TENM1: variants seen among roughly 807,000 people sequenced by gnomAD.
The protein encoded by TENM1 is teneurin transmembrane protein 1.
TENM1 carries 35 observed loss-of-function variants against 174.8 expected under a neutral mutation model. The observed-to-expected ratio is 0.20, with a 90% CI of 0.15 to 0.27. TENM1 has a LOEUF of 0.27. Among genes scored for constraint, TENM1 ranks in the 10% least tolerant of loss-of-function variants. The pLI, the probability that TENM1 is intolerant of heterozygous loss-of-function variation, is 1.00. For synonymous variants in TENM1, 781 were observed against 798.7 expected, an observed-to-expected ratio of 0.98 and a Z score of 0.37; for missense variants, 1,633 against 2,130.1, an observed-to-expected ratio of 0.77 and a Z score of 4.59.
At chrX:124,530,119 T>C in intron 15 of TENM1, 136 bp from the exon 19 acceptor site, 1 of 676,702 alleles carries the variant, frequency 1.5e-6, no homozygotes, top group South Asian at 3.5e-5. Context: ...AAACTACTAA[T>C]AACATTCTGG....
chrX:125,113,335 C>T, the TENM1 span, among the ~76,000 whole-genome samples: 2 of 110,978 alleles, frequency 1.8e-5, no homozygotes, highest in Non-Finnish European at 3.8e-5. Context: ...TGCAAGAACA[C>T]ACAGGACACA....
At chrX:124,503,618 A>G (rs1019452537) in exon 19 of TENM1, 1 of 1,207,351 alleles carries the variant, frequency 8.3e-7, no homozygotes, top group Non-Finnish European at 1.1e-6. Context: ...GGTTAGAAGC[A>G]TCCATCTCAA....
At chrX:124,646,561 G>A in intron 9 of TENM1, 148 bp downstream of exon 12, 1 of 423,243 alleles carries the variant, frequency 2.4e-6, no homozygotes, top group Non-Finnish European at 4.2e-6. Context: ...CATAGTAAGT[G>A]CTCAGCTTTT....
chrX:124,888,060 T>C (rs756799005), intron 3 of TENM1, among the ~76,000 whole-genome samples: 23 of 111,900 alleles, frequency 2.1e-4, no homozygotes, highest in African/African-American at 6.8e-4. Context: ...TGGGTATAAC[T>C]ATTACATGTC....
At chrX:124,788,576 T>G (rs781125959) in intron 3 of TENM1, among the ~76,000 whole-genome samples, 1 of 112,426 alleles carries the variant, frequency 8.9e-6, no homozygotes, top group Non-Finnish European at 1.9e-5. Context: ...ATACAGCTAT[T>G]CCAAATGGGA....
chrX:125,013,421 T>C, the TENM1 span, among the ~76,000 whole-genome samples: 9 of 111,884 alleles, frequency 8.0e-5, no homozygotes, highest in South Asian at 2.9e-3. Context: ...TTAATAGTAA[T>C]CAGTACTGAA....
chrX:124,550,614 A>G (rs1055745516), intron 14 of TENM1, among the ~76,000 whole-genome samples: 16 of 106,970 alleles, frequency 1.5e-4, no homozygotes, highest in African/African-American at 5.5e-4. Flanking sequence ...ACACATTCAC[A>G]TCATCATCTA....
the TENM1 span, among the ~76,000 whole-genome samples, chrX:125,058,788 C>T: frequency 9.0e-6 from 1 of 110,824 alleles, no homozygotes; most frequent in Admixed American, 9.7e-5. Flanking sequence ...TAAGTGCAGA[C>T]TGGGGTGAGA....
chrX:124,589,657 T>A (rs780125981), intron 11 of TENM1, among the ~76,000 whole-genome samples: 26 of 111,100 alleles, frequency 2.3e-4, no homozygotes, highest in African/African-American at 6.5e-4. Flanking sequence ...GTTATGTTTT[T>A]CCAGTAATGT....
the TENM1 span, among the ~76,000 whole-genome samples, chrX:125,176,650 C>T: frequency 9.0e-6 from 1 of 111,446 alleles, no homozygotes; most frequent in Admixed American, 9.6e-5. Context: ...TTCTTTAATA[C>T]TATTGTGATT....
intron 18 of TENM1, among the ~76,000 whole-genome samples, chrX:124,504,964 T>C (rs1041738958): frequency 3.6e-5 from 4 of 112,034 alleles, no homozygotes; most frequent in Non-Finnish European, 7.5e-5. Flanking sequence ...ATCACAAATA[T>C]CCAACTCTCT....
chrX:124,938,996 T>C (rs2058286218), intron 1 of TENM1, among the ~76,000 whole-genome samples: 1 of 111,562 alleles, frequency 9.0e-6, no homozygotes, highest in Non-Finnish European at 1.9e-5. Flanking sequence ...ATGGAAAAGA[T>C]CACAACTTAA....
Position 124,647,717 on chromosome X carries a change from G to GT in TENM1, c.1580-908_1580-907insA, listed in dbSNP as rs757952910. Among the ~76,000 whole-genome samples, 835 of 105,062 alleles carry GT rather than the reference G, an allele frequency of 7.9e-3. 6 individuals are homozygous for GT. Among genetic ancestry groups the GT allele is most frequent in the African/African-American group, 0.03 (806 of 26,469 alleles). The allele number at this position is 105,062 out of a possible 115,157, so 91.2% of individuals were successfully genotyped here. A position where few individuals can be genotyped will look rare whatever the true frequency, so the allele number is the denominator to read the frequency against. ...GGTACCTATGCTTTATTCTCGCAGG[G>GT]ATTTTTTTTTGTGGTGTGTGTGTGT... is the stretch of plus-strand genomic sequence containing the variant. On this transcript the variant is annotated intron_variant, in intron 8 of 31. Coordinates refer to ENST00000422452, the Ensembl canonical transcript of TENM1.
At chrX:124,744,288 A>G (rs751950795) in intron 3 of TENM1, among the ~76,000 whole-genome samples, 6 of 112,059 alleles carry the variant, frequency 5.4e-5, no homozygotes, top group Non-Finnish European at 9.4e-5. Flanking sequence ...TTTGTAGAGT[A>G]GTTTCGTAAT....
the TENM1 span, among the ~76,000 whole-genome samples, chrX:125,124,526 C>A: frequency 8.9e-5 from 10 of 111,780 alleles, no homozygotes; most frequent in Admixed American, 8.6e-4. Context: ...CCAAATGCGA[C>A]TAGGAAGCAG....
the TENM1 span, among the ~76,000 whole-genome samples, chrX:125,173,786 G>A: frequency 9.0e-6 from 1 of 111,585 alleles, no homozygotes; most frequent in African/African-American, 3.3e-5. Flanking sequence ...TTCCAAAAGT[G>A]CTCATTGTTG....
the TENM1 span, among the ~76,000 whole-genome samples, chrX:125,091,942 G>A: frequency 4.5e-5 from 4 of 88,009 alleles, no homozygotes; most frequent in East Asian, 1.1e-3. Context: ...CCGAGATCAC[G>A]CCATTGCACT....
intron 20 of TENM1, among the ~76,000 whole-genome samples, chrX:124,492,755 G>C (rs910420871): frequency 1.8e-5 from 2 of 110,272 alleles, no homozygotes; most frequent in Non-Finnish European, 3.8e-5. Context: ...TAATGCAGGG[G>C]ATATTAACCA....
intron 11 of TENM1, among the ~76,000 whole-genome samples, chrX:124,591,707 A>T (rs1310142635): frequency 6.3e-5 from 7 of 111,327 alleles, no homozygotes; most frequent in African/African-American, 1.6e-4. Flanking sequence ...TGCATTGGTG[A>T]TGTTCATTCT....
Sources: allele counts gnomAD v4.1 joint callset (sites outside exome capture counted in the v4.1 genomes callset), GRCh38; gene constraint gnomAD v4.1.1; transcripts MANE v1.5; gene names NCBI Gene and HGNC (gene_info 2026-07-23, HGNC 2026-07-21).